The following JADE2 variants were observed in gnomAD, a reference collection of about 807,000 sequenced individuals.
JADE2 encodes jade family PHD finger 2.
JADE2 carries 13 observed loss-of-function variants against 85.7 expected under a neutral mutation model. That is an observed-to-expected ratio of 0.15 (90% CI 0.10 to 0.24). JADE2 has a LOEUF of 0.24. JADE2 is among the 10% of genes least tolerant of loss of function. JADE2 has a pLI of 1.00. For synonymous variants in JADE2, 440 were observed against 456.1 expected (o/e 0.96, Z 0.45); for missense variants, 846 against 1,115.9 (o/e 0.76, Z 3.45).
At chr5:134,541,251 C>T (rs992261059) in intron 3 of JADE2, among the ~76,000 whole-genome samples, 8 of 152,238 alleles carry the variant, frequency 5.3e-5, no homozygotes, top group Non-Finnish European at 1.2e-4. Flanking sequence ...TTTTCCTAGT[C>T]CTCTAAGTGA....
At chr5:134,536,440 A>C (rs1434911266) in intron 2 of JADE2, among the ~76,000 whole-genome samples, 1 of 152,174 alleles carries the variant, frequency 6.6e-6, no homozygotes, top group East Asian at 1.9e-4. Flanking sequence ...CCTTCATAGA[A>C]TCTTGGCAAT....
intron 4 of JADE2, among the ~76,000 whole-genome samples, chr5:134,557,430 G>T (rs1365401930): frequency 7.7e-6 from 1 of 129,816 alleles, no homozygotes; most frequent in Non-Finnish European, 1.6e-5. Flanking sequence ...TGCACATTGT[G>T]CAGGTTTGTT....
Position 134,552,207 on chromosome 5 carries a change from G to T in JADE2, c.309G>T (p.Val103=), listed in dbSNP as rs557024273. The T allele has an allele frequency of 6.2e-7, 1 of 1,613,478 alleles. No homozygotes were observed. Among genetic ancestry groups the T allele is most frequent in the Admixed American group, 1.7e-5 (1 of 59,932 alleles). ...AGAEAIPEPV[V]RILPPLEGPP... Reference sequence around the variant, plus strand: ...CAGAGGCCATCCCAGAGCCCGTGGTGAGGTGAGCCAGGCAGCCCAGGCTAG... The same window carrying T: ...CAGAGGCCATCCCAGAGCCCGTGGTTAGGTGAGCCAGGCAGCCCAGGCTAG... Residue 103 remains valine, a splice_region_variant and synonymous_variant, in exon 4 of 12, where the codon GTG becomes GTT. Coordinates refer to ENST00000681547, the MANE Select transcript of JADE2 (RefSeq NM_001388185.1).
chr5:134,555,189 T>C (rs1225319461), intron 4 of JADE2, among the ~76,000 whole-genome samples: 1 of 151,836 alleles, frequency 6.6e-6, no homozygotes, highest in Non-Finnish European at 1.5e-5. Context: ...GCCCACCTCA[T>C]GGTCTGAAAT....
chr5:134,546,786 A>G (rs1177479733), intron 3 of JADE2, among the ~76,000 whole-genome samples: 1 of 152,058 alleles, frequency 6.6e-6, no homozygotes, highest in African/African-American at 2.4e-5. Context: ...AAAAATGTGT[A>G]TATATAATTA....
chr5:134,563,893 C>T (rs1224124802), intron 7 of JADE2, among the ~76,000 whole-genome samples: 1 of 152,146 alleles, frequency 6.6e-6, no homozygotes, highest in Non-Finnish European at 1.5e-5. Flanking sequence ...GACAAATGTG[C>T]CCTGCCTCTG....
In JADE2 at chr5:134,578,486, C is replaced by A; in HGVS notation, c.1682-8C>A. On this transcript the variant is annotated splice_region_variant and splice_polypyrimidine_tract_variant and intron_variant, in intron 11 of 11. Transcript: ENST00000681547. The surrounding 1 kb of genome is among the most constrained non-coding windows in gnomAD (Gnocchi z 4.4). ...CTGGCGTCTCACTTGCCTCCTCTCT[C>A]CCCTCAGCAGGCCTGTCCACCTCAT... The A allele has an allele frequency of 6.4e-7, 1 of 1,558,450 alleles. No homozygotes were observed. The highest frequency in any genetic ancestry group is 8.7e-7 in the Non-Finnish European group (1 of 1,146,558).
rs1490176675 is a variant in JADE2 at position 134,545,841 on chromosome 5, G to C, written c.154-6211G>C. ...TCAGAAAACAATTGTGATGAGGTTG[G>C]CTCTTTAAGTACAGACCTTCAAACT... On this transcript the variant is annotated intron_variant, in intron 3 of 11. Coordinates refer to ENST00000681547, the MANE Select transcript of JADE2 (RefSeq NM_001388185.1). 2.6e-5 allele frequency among the ~76,000 whole-genome samples: 4 copies of C among 152,200 alleles called. No homozygotes were observed. In the East Asian group the frequency reaches 7.7e-4, roughly 29 times the overall value.
intron 9 of JADE2, among the ~76,000 whole-genome samples, chr5:134,571,250 T>C (rs1269263332): frequency 6.6e-6 from 1 of 152,210 alleles, no homozygotes; most frequent in Non-Finnish European, 1.5e-5. Context: ...TATGACCTCA[T>C]CTTAACTATT....
chr5:134,572,797 G>A (rs538271256), intron 9 of JADE2, among the ~76,000 whole-genome samples: 1 of 152,240 alleles, frequency 6.6e-6, no homozygotes. Context: ...CATCCTGCAG[G>A]TGCTTCCTGT....
At chr5:134,559,213 G>A (rs185035482) in intron 4 of JADE2, among the ~76,000 whole-genome samples, 4 of 152,278 alleles carry the variant, frequency 2.6e-5, no homozygotes, top group Admixed American at 2.0e-4. Flanking sequence ...GTGTAACCAG[G>A]TAGGGCTCCT....
intron 6 of JADE2, among the ~76,000 whole-genome samples, chr5:134,561,544 A>T (rs55849454): frequency 6.6e-6 from 1 of 152,022 alleles, no homozygotes; most frequent in South Asian, 2.1e-4. Context: ...CCAAGGCTCT[A>T]GGTCTTGAGT....
intron 7 of JADE2, among the ~76,000 whole-genome samples, chr5:134,563,444 C>G (rs895275539): frequency 6.6e-6 from 1 of 152,132 alleles, no homozygotes; most frequent in Admixed American, 6.5e-5. Flanking sequence ...CCACGGGCAA[C>G]AGGCTGGGTC....
chr5:134,548,568 A>G (rs1762429740), intron 3 of JADE2, among the ~76,000 whole-genome samples: 1 of 152,200 alleles, frequency 6.6e-6, no homozygotes. Context: ...TAGAGCCCGT[A>G]GTGTCCAGTC....
At chr5:134,559,673 G>A (rs544312103) in intron 4 of JADE2, among the ~76,000 whole-genome samples, 157 bp from the exon 5 acceptor site, 1 of 152,358 alleles carries the variant, frequency 6.6e-6, no homozygotes, top group Admixed American at 6.5e-5. Flanking sequence ...GATGGTGGAG[G>A]AGGAAGTGAA....
At chr5:134,538,269 T>C (rs1761730245) in intron 3 of JADE2, among the ~76,000 whole-genome samples, 186 bp downstream of exon 3, 1 of 152,174 alleles carries the variant, frequency 6.6e-6, no homozygotes, top group African/African-American at 2.4e-5. Flanking sequence ...AAGATGTTCC[T>C]ATTGAACTGA....
intron 3 of JADE2, among the ~76,000 whole-genome samples, chr5:134,542,702 A>G (rs1200204113): frequency 6.6e-6 from 1 of 151,478 alleles, no homozygotes; most frequent in Non-Finnish European, 1.5e-5. Context: ...TCGGCCCCCC[A>G]GAGTGCTGGG....
At chr5:134,529,968 C>G (rs887470826) in intron 1 of JADE2, among the ~76,000 whole-genome samples, 1 of 152,252 alleles carries the variant, frequency 6.6e-6, no homozygotes, top group African/African-American at 2.4e-5. Context: ...AAGTTGCAGA[C>G]AGGCAATGGC....
chr5:134,564,418 C>T (rs1048825723), intron 7 of JADE2, 76 bp from the exon 8 acceptor site: 1 of 957,530 alleles, frequency 1.0e-6, no homozygotes. Flanking sequence ...TTTCAGCAGA[C>T]AAACCCCCAT....
Sources: allele counts gnomAD v4.1 joint callset (sites outside exome capture counted in the v4.1 genomes callset), GRCh38; gene constraint gnomAD v4.1.1; non-coding constraint Gnocchi (gnomAD v3.1); transcripts MANE v1.5; gene names NCBI Gene and HGNC (gene_info 2026-07-23, HGNC 2026-07-21).